GABRG3: variants seen among roughly 807,000 people sequenced by gnomAD.
GABRG3 encodes the protein gamma-aminobutyric acid receptor subunit gamma-3.
In GABRG3, 25 loss-of-function variants were observed where a neutral mutation model predicts 48.8. The observed-to-expected ratio is 0.51, with a 90% confidence interval of 0.37 to 0.72. The LOEUF (loss-of-function observed/expected upper bound fraction) is 0.72. GABRG3 is among the 30% of genes least tolerant of loss of function. The pLI is 0.00. For missense variants in GABRG3, 394 were observed against 577.9 expected (o/e 0.68, Z 3.26); for synonymous variants, 227 against 217.6 (o/e 1.04, Z -0.38).
chr15:27,166,967 C>T (rs968741856), intron 3 of GABRG3, among the ~76,000 whole-genome samples: 3 of 152,138 alleles, frequency 2.0e-5, no homozygotes, highest in Non-Finnish European at 4.4e-5. Flanking sequence ...GCTTTATTCT[C>T]CCTGGGTTTA....
chr15:27,425,058 T>C (rs74911882), intron 5 of GABRG3, among the ~76,000 whole-genome samples: 6,787 of 152,152 alleles, frequency 0.045, 177 homozygotes, highest in Middle Eastern at 0.11. Flanking sequence ...AAGGCCCAGG[T>C]GAGCTTCCCT....
intron 5 of GABRG3, among the ~76,000 whole-genome samples, chr15:27,441,441 G>C (rs764252355): frequency 6.6e-6 from 1 of 152,152 alleles, no homozygotes; most frequent in Non-Finnish European, 1.5e-5. Flanking sequence ...TTGACATGAA[G>C]AGCAGCCCTG....
chr15:27,382,934 G>T (rs12913584), intron 5 of GABRG3, among the ~76,000 whole-genome samples: 3 of 151,846 alleles, frequency 2.0e-5, no homozygotes, highest in East Asian at 3.9e-4. Flanking sequence ...GAGTGTGCTT[G>T]GATATATTAA....
rs4262903 is a variant in GABRG3 at position 27,436,294 on chromosome 15, T to C, written c.575-44356T>C. Among the ~76,000 whole-genome samples, 429 of 152,002 alleles carry C rather than the reference T, an allele frequency of 2.8e-3. 1 individual carries two copies. The highest frequency in any genetic ancestry group is 9.7e-3 in the African/African-American group (401 of 41,396). ...ATAATAAGGGCACTAATCCCACTTG[T>C]GGGGGGAAGGGGCTGCATCCTCATG... is the stretch of plus-strand genomic sequence containing the variant. On this transcript the variant is annotated intron_variant, in intron 5 of 9. Transcript: ENST00000615808.
chr15:27,387,253 G>GT (rs57380810), intron 5 of GABRG3, among the ~76,000 whole-genome samples: 164 of 148,672 alleles, frequency 1.1e-3, no homozygotes, highest in South Asian at 1.7e-3. Context: ...TGTAATTCAC[G>GT]TTTTTTTTTT....
chr15:27,175,051 C>G (rs1034320133), intron 3 of GABRG3, among the ~76,000 whole-genome samples: 3 of 152,178 alleles, frequency 2.0e-5, no homozygotes, highest in Non-Finnish European at 2.9e-5. Context: ...AATCCTGTGT[C>G]TCTCGGCCTT....
chr15:27,475,340 C>T (rs1006328930), intron 5 of GABRG3, among the ~76,000 whole-genome samples: 7 of 152,106 alleles, frequency 4.6e-5, no homozygotes, highest in African/African-American at 2.4e-5. Context: ...ATGTCTATGT[C>T]ATTAGAATTA....
intron 3 of GABRG3, among the ~76,000 whole-genome samples, chr15:27,119,568 A>G (rs1897697345): frequency 6.6e-6 from 1 of 152,202 alleles, no homozygotes; most frequent in Non-Finnish European, 1.5e-5. Flanking sequence ...GAGTCTGGGC[A>G]TGTCTTCAGT....
intron 3 of GABRG3, among the ~76,000 whole-genome samples, chr15:27,164,712 A>G (rs1309745707): frequency 2.0e-5 from 3 of 152,270 alleles, no homozygotes; most frequent in Non-Finnish European, 2.9e-5. Flanking sequence ...TGATAGCTCT[A>G]TGATGATGAG....
intron 3 of GABRG3, among the ~76,000 whole-genome samples, chr15:27,177,720 G>T (rs1887790870): frequency 6.6e-6 from 1 of 152,184 alleles, no homozygotes; most frequent in South Asian, 2.1e-4. Context: ...TTTAAATAAG[G>T]TAGCAAAATA....
chr15:27,425,463 A>AT (rs372428029), intron 5 of GABRG3, among the ~76,000 whole-genome samples: 63 of 138,478 alleles, frequency 4.5e-4, no homozygotes, highest in African/African-American at 1.3e-3. Context: ...AAAAAAAAAA[A>AT]AAATAGGCGT....
chr15:27,033,581 C>A (rs921480501), intron 3 of GABRG3, among the ~76,000 whole-genome samples: 12 of 151,940 alleles, frequency 7.9e-5, no homozygotes, highest in Non-Finnish European at 1.3e-4. Context: ...CAGGTTTTTT[C>A]TATAAAATAA....
At chr15:27,208,464 G>T in intron 3 of GABRG3, 1 of 185,762 alleles carries the variant, frequency 5.4e-6, no homozygotes, top group South Asian at 1.2e-4. Context: ...TTCAGGGCAT[G>T]AATACTGCCT....
intron 3 of GABRG3, among the ~76,000 whole-genome samples, chr15:27,226,266 G>A (rs1035193038): frequency 2.6e-5 from 4 of 152,132 alleles, no homozygotes; most frequent in Admixed American, 2.6e-4. Flanking sequence ...ACCTCTCACT[G>A]CAGCATCCAG....
intron 5 of GABRG3, among the ~76,000 whole-genome samples, chr15:27,333,401 C>T (rs978923676): frequency 2.6e-5 from 4 of 152,112 alleles, no homozygotes; most frequent in Non-Finnish European, 4.4e-5. Context: ...AGAGGCCGCC[C>T]GCATTCCATA....
intron 5 of GABRG3, among the ~76,000 whole-genome samples, chr15:27,393,085 C>T (rs780246531): frequency 1.3e-5 from 2 of 152,102 alleles, no homozygotes; most frequent in Non-Finnish European, 2.9e-5. Flanking sequence ...GTGGCTCATG[C>T]CTGTAATCCG....
intron 5 of GABRG3, among the ~76,000 whole-genome samples, chr15:27,391,490 G>C (rs145377336): frequency 1.3e-5 from 2 of 151,948 alleles, no homozygotes; most frequent in African/African-American, 2.4e-5. Context: ...ATTTAATGCC[G>C]ATGTTAGAAT....
intron 6 of GABRG3, among the ~76,000 whole-genome samples, chr15:27,485,535 T>C (rs1476711808): frequency 6.6e-6 from 1 of 152,058 alleles, no homozygotes; most frequent in Non-Finnish European, 1.5e-5. Flanking sequence ...CAAAATAGAC[T>C]GAAAAACCTG....
rs964226384 is a variant in GABRG3 at position 27,541,844 on chromosome 15, G to T, written c.*8963G>T. The T allele has an allele frequency of 6.6e-6, 1 of 152,154 alleles. No individual in the cohort carries two copies. The highest frequency in any genetic ancestry group is 1.5e-5 in the Non-Finnish European group (1 of 68,032). 9.4% of individuals were successfully genotyped at this position (152,154 alleles called of 1,614,324 possible). ...GGCGCCCGACGTGCCTTGGCGACAC[G>T]GGCGGCGCCGCGCCCCGCTTCGTGC... is the stretch of plus-strand genomic sequence containing the variant. On this transcript the variant is annotated 3_prime_UTR_variant, in exon 10 of 10. Coordinates refer to ENST00000615808, the MANE Select transcript of GABRG3 (RefSeq NM_033223.5).
Sources: allele counts gnomAD v4.1 joint callset (sites outside exome capture counted in the v4.1 genomes callset), GRCh38; gene constraint gnomAD v4.1.1; transcripts MANE v1.5; gene names NCBI Gene and HGNC (gene_info 2026-07-23, HGNC 2026-07-21).